Variants in PCDH15 observed in about 807,000 individuals in gnomAD.
PCDH15 encodes the protein protocadherin related 15.
PCDH15 carries 129 observed loss-of-function variants against 178.5 expected under a neutral mutation model. That is an observed-to-expected ratio of 0.72 (90% CI 0.63 to 0.84). The LOEUF is 0.84. Among genes scored for constraint, PCDH15 ranks in the 40% least tolerant of loss-of-function variants. The probability of loss-of-function intolerance (pLI) is 0.00; values close to 1 mark genes in which losing one functional copy is unlikely to be tolerated. For missense variants in PCDH15, 2,230 were observed against 2,099.9 expected, an observed-to-expected ratio of 1.06 and a Z score of -1.21; for synonymous variants, 800 against 732.0, an observed-to-expected ratio of 1.09 and a Z score of -1.50.
At chr10:55,113,452 T>C (rs1241400740) in intron 2 of PCDH15, among the ~76,000 whole-genome samples, 7 of 152,096 alleles carry the variant, frequency 4.6e-5, no homozygotes, top group Admixed American at 3.9e-4. Context: ...TCCTTTCTCA[T>C]GCAAACTAAT....
At chr10:54,547,336 C>T (rs1471696824) in intron 2 of PCDH15, among the ~76,000 whole-genome samples, 1 of 151,990 alleles carries the variant, frequency 6.6e-6, no homozygotes, top group African/African-American at 2.4e-5. Flanking sequence ...TTTACCTTTT[C>T]TAAAATGTCA....
At chr10:54,260,895 A>C in intron 8 of PCDH15, among the ~76,000 whole-genome samples, 1 of 152,294 alleles carries the variant, frequency 6.6e-6, no homozygotes, top group East Asian at 1.9e-4. Flanking sequence ...GGCCTCCCAA[A>C]GTGTGGGGAT....
intron 20 of PCDH15, among the ~76,000 whole-genome samples, chr10:53,997,845 T>C (rs1280860068): frequency 6.6e-6 from 1 of 152,186 alleles, no homozygotes; most frequent in Non-Finnish European, 1.5e-5. Context: ...AATAAATTAA[T>C]GTAGTTATTG....
chr10:55,591,992 A>T (rs1325849935), intron 2 of PCDH15, among the ~76,000 whole-genome samples: 1 of 152,124 alleles, frequency 6.6e-6, no homozygotes, highest in Non-Finnish European at 1.5e-5. Context: ...AGTGATAAGG[A>T]TTTTCAAGAT....
chr10:55,590,482 A>G (rs929049945), intron 2 of PCDH15, among the ~76,000 whole-genome samples: 2 of 152,122 alleles, frequency 1.3e-5, no homozygotes, highest in African/African-American at 4.8e-5. Context: ...ATAAAATTTA[A>G]AAAAAGAAAA....
At chr10:55,481,077 G>A (rs1441463270) in intron 2 of PCDH15, among the ~76,000 whole-genome samples, 1 of 151,724 alleles carries the variant, frequency 6.6e-6, no homozygotes, top group African/African-American at 2.4e-5. Flanking sequence ...GTGTGTATGT[G>A]TACAGAAATT....
At chr10:53,809,496 A>C in intron 37 of PCDH15, 1 of 1,613,170 alleles carries the variant, frequency 6.2e-7, no homozygotes, top group East Asian at 2.2e-5. Context: ...CTTCCTCCTC[A>C]CTAGGCTCTC....
chr10:55,345,159 A>C (rs10825498), intron 2 of PCDH15, among the ~76,000 whole-genome samples: 76,470 of 146,002 alleles, frequency 0.52, 20,163 homozygotes, highest in Non-Finnish European at 0.59. Context: ...CTCTCTCTCT[A>C]TATATATATA....
chr10:55,088,602 G>T (rs1026806833), intron 2 of PCDH15, among the ~76,000 whole-genome samples: 49 of 152,034 alleles, frequency 3.2e-4, no homozygotes, highest in African/African-American at 1.1e-3. Context: ...AAATAATTTT[G>T]TATAGCTGGT....
chr10:54,851,423 C>G (rs1953619566), intron 3 of PCDH15, among the ~76,000 whole-genome samples: 1 of 151,854 alleles, frequency 6.6e-6, no homozygotes, highest in South Asian at 2.1e-4. Flanking sequence ...GAGATATTGA[C>G]AAAGTAATTC....
intron 1 of PCDH15, among the ~76,000 whole-genome samples, chr10:54,731,571 C>CACAG: frequency 1.0e-5 from 1 of 98,394 alleles, no homozygotes; most frequent in Non-Finnish European, 2.1e-5. Context: ...TATACACACA[C>CACAG]ACACACACAC....
chr10:54,176,475 T>C (rs2047454408), intron 13 of PCDH15, among the ~76,000 whole-genome samples: 1 of 152,062 alleles, frequency 6.6e-6, no homozygotes, highest in Non-Finnish European at 1.5e-5. Context: ...CTGAGAGAGC[T>C]CTCAATAGTT....
At chr10:53,842,382 A>G (rs1564591273) in intron 28 of PCDH15, among the ~76,000 whole-genome samples, 1 of 152,042 alleles carries the variant, frequency 6.6e-6, no homozygotes, top group Non-Finnish European at 1.5e-5. Context: ...TCACGCCTGG[A>G]TTACAGGCAT....
At chr10:54,726,698 A>C (rs1349199813) in intron 1 of PCDH15, among the ~76,000 whole-genome samples, 2 of 151,436 alleles carry the variant, frequency 1.3e-5, no homozygotes, top group African/African-American at 4.8e-5. Context: ...ATATTCATTT[A>C]TAAAAGGAAC....
chr10:53,834,990 C>T (rs1483559463), intron 29 of PCDH15, among the ~76,000 whole-genome samples: 2 of 152,150 alleles, frequency 1.3e-5, no homozygotes. Flanking sequence ...GTTAACATAT[C>T]TACCTACATT....
At chr10:54,796,322 C>CTATCTATCT (rs1554796341) in intron 1 of PCDH15, among the ~76,000 whole-genome samples, 2 of 139,198 alleles carry the variant, frequency 1.4e-5, no homozygotes, top group South Asian at 2.3e-4. Flanking sequence ...ATCTATCTAT[C>CTATCTATCT]ATCATCATCT....
At chr10:54,311,165 A>G (rs1319162116) in intron 8 of PCDH15, among the ~76,000 whole-genome samples, 1 of 152,098 alleles carries the variant, frequency 6.6e-6, no homozygotes, top group Admixed American at 6.6e-5. Flanking sequence ...GGTTTTAAAC[A>G]GGGGGAGAGA....
intron 21 of PCDH15, among the ~76,000 whole-genome samples, chr10:53,969,386 T>C (rs1319453634): frequency 2.0e-5 from 3 of 152,214 alleles, no homozygotes; most frequent in East Asian, 3.8e-4. Flanking sequence ...ATCTGATTAG[T>C]GTACCTGAAA....
intron 2 of PCDH15, among the ~76,000 whole-genome samples, chr10:55,531,191 C>G (rs796445223): frequency 6.6e-6 from 1 of 151,904 alleles, no homozygotes; most frequent in Non-Finnish European, 1.5e-5. Context: ...GATGTAGTGA[C>G]AAGTTCACTT....
Sources: gnomAD v4.1 joint callset for allele counts (sites outside exome capture counted in the v4.1 genomes callset) on GRCh38, gnomAD v4.1.1 for gene constraint, MANE v1.5 for transcripts, NCBI Gene and HGNC (gene_info 2026-07-23, HGNC 2026-07-21) for gene names.